Variants in RSRC1 observed in about 807,000 individuals in gnomAD.
RSRC1 encodes serine/Arginine-related protein 53.
In RSRC1, 39 loss-of-function variants were observed where a neutral mutation model predicts 49.1. That is an observed-to-expected ratio of 0.79 (90% CI 0.61 to 1.04). The LOEUF (loss-of-function observed/expected upper bound fraction) is 1.04, where lower values mean the gene tolerates loss of function less well. RSRC1 is among the 50% of genes least tolerant of loss of function. RSRC1 has a pLI of 0.00. For missense variants in RSRC1, 388 were observed against 402.4 expected, an observed-to-expected ratio of 0.96 and a Z score of 0.31; for synonymous variants, 143 against 130.8, an observed-to-expected ratio of 1.09 and a Z score of -0.63.
At chr3:158,273,027 TA>T (rs572424505) in intron 4 of RSRC1, among the ~76,000 whole-genome samples, 6 of 151,912 alleles carry the variant, frequency 3.9e-5, no homozygotes, top group African/African-American at 1.2e-4. Context: ...TTTGAGAGGT[TA>T]AAAAAAAGAA....
chr3:158,117,169 C>T (rs1714891371), intron 1 of RSRC1, among the ~76,000 whole-genome samples: 1 of 151,998 alleles, frequency 6.6e-6, no homozygotes, highest in African/African-American at 2.4e-5. Flanking sequence ...ATTGTGCTAC[C>T]CATATTTTTT....
intron 3 of RSRC1, among the ~76,000 whole-genome samples, chr3:158,195,598 C>G (rs1312019081): frequency 1.3e-5 from 2 of 152,064 alleles, no homozygotes; most frequent in East Asian, 1.9e-4. Context: ...AATGGTATTG[C>G]CTAGGTTTTT....
chr3:158,203,244 G>T lies in RSRC1; in HGVS notation c.493G>T (p.Gly165Trp). The change falls in exon 4 of 10, where the codon GGG becomes TGG. Residue 165 changes from glycine to tryptophan, a missense_variant and splice_region_variant. Coordinates refer to ENST00000611884, the MANE Select transcript of RSRC1 (RefSeq NM_001271838.2). ...CAAGGAATTACATAACATCAAACGTGGGTAAGTTGGAGCAAATCTTATCTG... is the reference window on the plus strand; with the variant it reads ...CAAGGAATTACATAACATCAAACGTTGGTAAGTTGGAGCAAATCTTATCTG... ...KDKELHNIKR[G>W]ESGNIKAGLE... The T allele has an allele frequency of 6.3e-7, 1 of 1,575,120 alleles. No individual in the cohort carries two copies. Among genetic ancestry groups the T allele is most frequent in the South Asian group, 1.2e-5 (1 of 86,012 alleles).
chr3:158,357,328 C>A (rs1397870715), intron 6 of RSRC1, among the ~76,000 whole-genome samples: 1 of 152,046 alleles, frequency 6.6e-6, no homozygotes, highest in Non-Finnish European at 1.5e-5. Context: ...TACTTTTGCA[C>A]CAATTTAATA....
At chr3:158,490,818 A>G (rs1465311560) in intron 7 of RSRC1, among the ~76,000 whole-genome samples, 2 of 152,214 alleles carry the variant, frequency 1.3e-5, no homozygotes, top group Non-Finnish European at 1.5e-5. Flanking sequence ...ATTAGTGTTC[A>G]TATTATACAC....
At chr3:158,353,666 ATCT>A (rs1196783957) in intron 5 of RSRC1, among the ~76,000 whole-genome samples, 4 of 152,226 alleles carry the variant, frequency 2.6e-5, no homozygotes, top group Non-Finnish European at 4.4e-5. Context: ...TGAGCACAAC[ATCT>A]TCTTTCTGTA....
intron 6 of RSRC1, among the ~76,000 whole-genome samples, chr3:158,370,422 C>T (rs950862795): frequency 1.3e-5 from 2 of 152,002 alleles, no homozygotes; most frequent in African/African-American, 4.8e-5. Context: ...TTCTCTCTCC[C>T]TATTCCTGGA....
chr3:158,537,501 C>G (rs947838935), intron 8 of RSRC1, among the ~76,000 whole-genome samples: 4 of 151,502 alleles, frequency 2.6e-5, no homozygotes, highest in Admixed American at 1.3e-4. Context: ...TCTTAACATA[C>G]ATGGTTTTCT....
At chr3:158,524,413 G>A (rs1711881039) in intron 7 of RSRC1, among the ~76,000 whole-genome samples, 1 of 151,690 alleles carries the variant, frequency 6.6e-6, no homozygotes, top group East Asian at 1.9e-4. Flanking sequence ...ATTTCTTTGG[G>A]GCATTGTCCA....
At chr3:158,332,137 T>G (rs780659249) in intron 5 of RSRC1, among the ~76,000 whole-genome samples, 8 of 152,144 alleles carry the variant, frequency 5.3e-5, no homozygotes, top group Non-Finnish European at 1.2e-4. Context: ...TATATATTTA[T>G]CTTACTTTGG....
chr3:158,510,884 C>T (rs534206200), intron 7 of RSRC1, among the ~76,000 whole-genome samples: 2 of 152,124 alleles, frequency 1.3e-5, no homozygotes, highest in East Asian at 3.9e-4. Flanking sequence ...TTTCAGGTTT[C>T]ATTAAATAGA....
At chr3:158,374,143 C>T (rs1397576452) in intron 6 of RSRC1, among the ~76,000 whole-genome samples, 2 of 152,018 alleles carry the variant, frequency 1.3e-5, no homozygotes, top group East Asian at 3.9e-4. Context: ...CTGATTATTA[C>T]AATACTCTAA....
intron 6 of RSRC1, among the ~76,000 whole-genome samples, chr3:158,458,402 A>G (rs73172114): frequency 0.19 from 28,504 of 152,102 alleles, 3,058 homozygotes; most frequent in South Asian, 0.27. Context: ...CCATTAAAAT[A>G]GCAAAAACTG....
At chr3:158,138,752 G>A (rs1716558867) in intron 3 of RSRC1, among the ~76,000 whole-genome samples, 1 of 152,062 alleles carries the variant, frequency 6.6e-6, no homozygotes, top group Non-Finnish European at 1.5e-5. Flanking sequence ...AGGAGGAAAA[G>A]GATAATTCAT....
chr3:158,278,953 A>G lies in RSRC1; in HGVS notation c.495-19086A>G, dbSNP rs374786641. The stretch of plus-strand genomic sequence containing the variant: ...ATATTATTTTTAAAAATCAACATAT[A>G]TGCTATTTTTCCAGCACAGCTGTAA... On this transcript the variant is annotated intron_variant, in intron 4 of 9. Transcript: ENST00000611884. Among the ~76,000 whole-genome samples the G allele has an allele frequency of 2.0e-3, 302 of 152,328 alleles. 4 individuals carry two copies. The South Asian group carries it at 0.03, about 15-fold the overall frequency.
intron 7 of RSRC1, among the ~76,000 whole-genome samples, chr3:158,511,723 G>C (rs1444479362): frequency 1.3e-5 from 2 of 152,142 alleles, no homozygotes; most frequent in East Asian, 3.9e-4. Context: ...GGTTGAACTA[G>C]TTTACAGTCC....
chr3:158,461,040 T>A (rs1737582270), intron 7 of RSRC1, 37 bp downstream of exon 7: 2 of 1,440,778 alleles, frequency 1.4e-6, no homozygotes, highest in African/African-American at 1.4e-5. Context: ...GAGAAATCAC[T>A]ATTTGGCTGT....
At chr3:158,429,535 A>ATTT (rs1362424452) in intron 6 of RSRC1, among the ~76,000 whole-genome samples, 6 of 144,446 alleles carry the variant, frequency 4.2e-5, no homozygotes, top group Admixed American at 2.1e-4. Context: ...TCAAAATATA[A>ATTT]TGCTGTCTTT....
At chr3:158,436,522 C>T (rs917304298) in intron 6 of RSRC1, among the ~76,000 whole-genome samples, 1 of 151,812 alleles carries the variant, frequency 6.6e-6, no homozygotes, top group African/African-American at 2.4e-5. Flanking sequence ...ATATACACAC[C>T]AGATTCTATA....
Sources: allele counts gnomAD v4.1 joint callset (sites outside exome capture counted in the v4.1 genomes callset), GRCh38; gene constraint gnomAD v4.1.1; transcripts MANE v1.5; gene names NCBI Gene and HGNC (gene_info 2026-07-23, HGNC 2026-07-21).